ZNF236: variants seen among roughly 807,000 people sequenced by gnomAD.
ZNF236 encodes the protein zinc finger protein 236, also known as regulated by glucose.
ZNF236 carries 50 observed loss-of-function variants against 191.2 expected under a neutral mutation model. That is an observed-to-expected ratio of 0.26 (90% confidence interval 0.21 to 0.33). The LOEUF (loss-of-function observed/expected upper bound fraction) is 0.33. ZNF236 is among the 10% of genes least tolerant of loss of function. The probability of loss-of-function intolerance (pLI) is 1.00; values close to 1 mark genes in which losing one functional copy is unlikely to be tolerated. For synonymous variants in ZNF236, 907 were observed against 928.8 expected (o/e 0.98, Z 0.43); for missense variants, 1,754 against 2,374.5 (o/e 0.74, Z 5.43).
In ZNF236 at chr18:76,947,621, C is replaced by T. The variant is rs1968296759; in HGVS notation, c.4883C>T (p.Ala1628Val). Reference protein sequence around the residue: ...VILVSHTPQSASAACEEIAYQ... With the variant: ...VILVSHTPQSVSAACEEIAYQ... ...CTAGTGAGCCACACGCCACAGTCAG[C>T]GTCTGCTGCTTGTGAAGAAATAGCC... Residue 1628 changes from alanine to valine, a missense_variant, in exon 27 of 31, where the codon GCG (alanine) becomes GTG (valine). Transcript: ENST00000320610. 2 of 1,613,782 alleles carry T rather than the reference C, an allele frequency of 1.2e-6. No individual in the cohort carries two copies. The highest frequency in any genetic ancestry group is 1.7e-6 in the Non-Finnish European group (2 of 1,179,856).
At chr18:76,871,625 G>A (rs1343981450) in intron 4 of ZNF236, 76 bp from the exon 5 acceptor site, 1 of 1,579,508 alleles carries the variant, frequency 6.3e-7, no homozygotes, top group East Asian at 2.3e-5. Context: ...CAAATTTTCT[G>A]GTAGGATTTT....
intron 5 of ZNF236, among the ~76,000 whole-genome samples, chr18:76,873,337 C>G (rs1976629008): frequency 6.6e-6 from 1 of 152,212 alleles, no homozygotes; most frequent in African/African-American, 2.4e-5. Context: ...CCTAGAGAGA[C>G]ACATGCGTGT....
At chr18:76,856,102 T>C (rs1333418196) in intron 3 of ZNF236, among the ~76,000 whole-genome samples, 3 of 152,162 alleles carry the variant, frequency 2.0e-5, no homozygotes, top group Non-Finnish European at 4.4e-5. Flanking sequence ...AAATCAGGTC[T>C]CACCATGTTG....
rs78896116 is a variant in ZNF236 at position 76,930,705 on chromosome 18, C to T, written c.4594+2599C>T. On this transcript the variant is annotated intron_variant, in intron 25 of 30. Transcript: ENST00000320610. ...GGGCAGGGAGGGGAGGTTCTGTTAT[C>T]GCCTGGTGATGCCCCTCAGATCCTT... 5.5e-3 allele frequency among the ~76,000 whole-genome samples: 841 copies of T among 152,244 alleles called. 9 individuals are homozygous for T. The highest frequency in any genetic ancestry group is 0.019 in the African/African-American group (806 of 41,540).
At chr18:76,956,661 G>A (rs191237047) in intron 28 of ZNF236, among the ~76,000 whole-genome samples, 284 of 152,350 alleles carry the variant, frequency 1.9e-3, no homozygotes, top group African/African-American at 6.6e-3. Flanking sequence ...GCTTTCCACT[G>A]CAGCAGAGCC....
Position 76,833,582 on chromosome 18 carries a change from A to AT in ZNF236, c.55+10923dup, listed in dbSNP as rs1975233794. Among the ~76,000 whole-genome samples, 4 of 152,130 alleles carry AT rather than the reference A, an allele frequency of 2.6e-5. No individual in the cohort carries two copies. The South Asian group carries it at 8.3e-4, about 32-fold the overall frequency. ...ATATTATTCTTTTTTGTATATCTGGATTTGATTTGTACATACTTTATGCTT... is the reference window on the plus strand; with the variant it reads ...ATATTATTCTTTTTTGTATATCTGGATTTTGATTTGTACATACTTTATGCTT... On this transcript the variant is annotated intron_variant, in intron 1 of 30. Coordinates refer to ENST00000320610, the MANE Select transcript of ZNF236 (RefSeq NM_001306089.2).
intron 1 of ZNF236, among the ~76,000 whole-genome samples, chr18:76,841,417 G>A (rs1362093332): frequency 2.0e-5 from 3 of 152,034 alleles, no homozygotes; most frequent in Admixed American, 6.5e-5. Flanking sequence ...TAATATGAGC[G>A]AACCGACACT....
intron 3 of ZNF236, among the ~76,000 whole-genome samples, chr18:76,867,572 A>G (rs980560496): frequency 6.6e-6 from 1 of 152,224 alleles, no homozygotes; most frequent in African/African-American, 2.4e-5. Context: ...ATAACAGTTT[A>G]TGCTCATTGA....
chr18:76,936,968 A>T (rs138035858), intron 25 of ZNF236, among the ~76,000 whole-genome samples, 188 bp from the exon 26 acceptor site: 1 of 152,240 alleles, frequency 6.6e-6, no homozygotes. Context: ...ATATGTAAAG[A>T]TGTTTAAAAA....
intron 3 of ZNF236, among the ~76,000 whole-genome samples, chr18:76,864,295 A>G (rs866579770): frequency 4.3e-4 from 63 of 146,846 alleles, no homozygotes; most frequent in African/African-American, 1.6e-3. Flanking sequence ...CGTCTCCTGG[A>G]TTCAAGCAAT....
intron 1 of ZNF236, among the ~76,000 whole-genome samples, chr18:76,835,436 C>T (rs1250981555): frequency 6.6e-6 from 1 of 152,028 alleles, no homozygotes; most frequent in Non-Finnish European, 1.5e-5. Flanking sequence ...GTGAATTTGT[C>T]TATTCTTCTG....
At position 76,959,718 on chromosome 18, in the gene ZNF236, C is replaced by T; in HGVS notation, c.5144C>T (p.Ser1715Phe). The change falls in exon 29 of 31, where the codon TCT becomes TTT. Residue 1715 changes from serine to phenylalanine, a missense_variant. Physicochemically the swap from Ser to Phe is radical, Grantham distance 155. Around this residue, in one of 5 missense-constraint regions of ZNF236, gnomAD observed 606 missense variants for 761.5 expected, o/e 0.80. Transcript: ENST00000320610. ...EHMQTHQAGP[S>F]LSSQKPRVFK... Reference sequence around the variant, plus strand: ...ATGCAGACACACCAGGCCGGCCCCTCTTTGAGCTCCCAGAAGCCAAGAGTG... The same window carrying T: ...ATGCAGACACACCAGGCCGGCCCCTTTTTGAGCTCCCAGAAGCCAAGAGTG... 1.2e-6 allele frequency: 2 copies of T among 1,613,838 alleles called. No individual in the cohort carries two copies. Among genetic ancestry groups the T allele is most frequent in the Non-Finnish European group, 1.7e-6 (2 of 1,179,876 alleles).
chr18:76,868,433 T>C (rs1356630923), intron 3 of ZNF236, among the ~76,000 whole-genome samples: 7 of 152,216 alleles, frequency 4.6e-5, no homozygotes, highest in African/African-American at 1.7e-4. Context: ...TCAAAAATTG[T>C]GTCAATCTCT....
At chr18:76,882,698 CT>C (rs777192321) in intron 9 of ZNF236, among the ~76,000 whole-genome samples, 5 of 152,198 alleles carry the variant, frequency 3.3e-5, no homozygotes, top group Admixed American at 6.5e-5. Context: ...TCAAACCACA[CT>C]AGTCAGGCTC....
chr18:76,956,432 C>G (rs1968527762), intron 28 of ZNF236, among the ~76,000 whole-genome samples: 1 of 152,200 alleles, frequency 6.6e-6, no homozygotes, highest in South Asian at 2.1e-4. Context: ...TTGAAATGCC[C>G]TCTCTCCCTT....
At chr18:76,959,537 C>T (rs1968609759) in intron 28 of ZNF236, 150 bp from the exon 29 acceptor site, 5 of 855,732 alleles carry the variant, frequency 5.8e-6, no homozygotes, top group Admixed American at 3.2e-5. Flanking sequence ...ACTACCGATG[C>T]ATTGAAGTCC....
In ZNF236 at chr18:76,875,038, G is replaced by A. The variant is rs930211060; in HGVS notation, c.668-454G>A. On this transcript the variant is annotated intron_variant, in intron 5 of 30. Coordinates refer to ENST00000320610, the MANE Select transcript of ZNF236 (RefSeq NM_001306089.2). The surrounding 1 kb of genome is among the most constrained non-coding windows in gnomAD (Gnocchi z 4.3). Reference sequence around the variant, plus strand: ...GAGAGCAGCCTAGGAAGGGGCCAGGGTGGAAGCAGTGAGTCAAGCTGGGGG... The same window carrying A: ...GAGAGCAGCCTAGGAAGGGGCCAGGATGGAAGCAGTGAGTCAAGCTGGGGG... Among the ~76,000 whole-genome samples the A allele has an allele frequency of 2.0e-5, 3 of 152,232 alleles. No homozygotes were observed. The highest frequency in any genetic ancestry group is 2.1e-4 in the South Asian group (1 of 4,838).
intron 2 of ZNF236, among the ~76,000 whole-genome samples, chr18:76,850,252 G>A (rs1054688003): frequency 3.3e-5 from 5 of 152,164 alleles, no homozygotes; most frequent in African/African-American, 1.2e-4. Context: ...CTCTAGGTAG[G>A]AGCATGTAAG....
chr18:76,894,112 A>G (rs1977326183), intron 9 of ZNF236, among the ~76,000 whole-genome samples: 1 of 152,238 alleles, frequency 6.6e-6, no homozygotes. Flanking sequence ...TTAATTTCAG[A>G]TGAATAAATC....
Sources: allele counts gnomAD v4.1 joint callset (sites outside exome capture counted in the v4.1 genomes callset), GRCh38; gene constraint gnomAD v4.1.1; regional missense constraint gnomAD v4.1.1; non-coding constraint Gnocchi (gnomAD v3.1); transcripts MANE v1.5; gene names NCBI Gene and HGNC (gene_info 2026-07-23, HGNC 2026-07-21).